Variants in MAK observed in about 807,000 individuals in gnomAD.
MAK encodes the protein serine/threonine-protein kinase MAK.
MAK carries 65 observed loss-of-function variants against 82.6 expected under a neutral mutation model. That is an observed-to-expected ratio of 0.79 (90% CI 0.64 to 0.97). MAK has a LOEUF of 0.97. Among genes scored for constraint, MAK ranks in the 50% least tolerant of loss-of-function variants. The pLI is 0.00. For missense variants in MAK, 703 were observed against 780.2 expected, an observed-to-expected ratio of 0.90 and a Z score of 1.18; for synonymous variants, 250 against 274.2, an observed-to-expected ratio of 0.91 and a Z score of 0.87.
At chr6:10,807,913 C>T (rs1351467691) in intron 6 of MAK, among the ~76,000 whole-genome samples, 1 of 151,850 alleles carries the variant, frequency 6.6e-6, no homozygotes, top group Non-Finnish European at 1.5e-5. Context: ...ACTAAAAATA[C>T]AAAAATTAGC....
At chr6:10,825,121 T>G (rs1402066798) in intron 2 of MAK, among the ~76,000 whole-genome samples, 1 of 152,232 alleles carries the variant, frequency 6.6e-6, no homozygotes, top group Non-Finnish European at 1.5e-5. Context: ...CGTATTATTC[T>G]GCCCTCTTCC....
intron 10 of MAK, among the ~76,000 whole-genome samples, chr6:10,787,075 C>T (rs1014591450): frequency 2.1e-5 from 3 of 145,140 alleles, no homozygotes; most frequent in East Asian, 1.9e-4. Context: ...TTCACCACTC[C>T]GCTACTTCAC....
chr6:10,797,830 C>T, intron 8 of MAK: 2 of 1,283,198 alleles, frequency 1.6e-6, no homozygotes, highest in South Asian at 1.3e-5. Flanking sequence ...CTTAACCAAC[C>T]TCTCTCCCTA....
rs544311623 is a variant in MAK, at chr6:10,790,620, C to T, written c.1316+1055G>A. ...GCAGTTAGTGAAATCTTAACACCAT[C>T]AGAAGAAGCTGTTAACTTGGCACGT... On this transcript the variant is annotated intron_variant, in intron 10 of 14. Coordinates refer to ENST00000354489, the MANE Select transcript of MAK (RefSeq NM_001242957.3). Among the ~76,000 whole-genome samples the T allele has an allele frequency of 7.9e-5, 12 of 152,334 alleles. No individual in the cohort carries two copies. In the South Asian group the frequency reaches 1.5e-3, roughly 18 times the overall value.
Position 10,808,884 on chromosome 6 carries a change from C to T in MAK, c.417G>A (p.Val139=). Residue 139 remains valine, a synonymous_variant, in exon 6 of 15, where the codon GTG becomes GTA. Transcript: ENST00000354489. ...ENLLCMGPEL[V]KIADFGLARE... is the part of the protein sequence containing the mutation. The stretch of plus-strand genomic sequence containing the variant: ...TTGCAAGTCCAAAATCAGCAATTTT[C>T]ACAAGCTCTGGACCCATACAAAGCA... 1 of 1,613,816 alleles carries T rather than the reference C, an allele frequency of 6.2e-7. No individual in the cohort carries two copies. Among genetic ancestry groups the T allele is most frequent in the Non-Finnish European group, 8.5e-7 (1 of 1,179,870 alleles).
chr6:10,783,034 G>A (rs1774148779), intron 11 of MAK, among the ~76,000 whole-genome samples: 1 of 152,270 alleles, frequency 6.6e-6, no homozygotes, highest in East Asian at 1.9e-4. Context: ...AATGGAGACT[G>A]TGTCTTGCTT....
rs376874727 is a variant in MAK at position 10,827,472 on chromosome 6, A to G, written c.101+3076T>C. Among the ~76,000 whole-genome samples the G allele has an allele frequency of 5.3e-5, 8 of 152,208 alleles. No individual in the cohort carries two copies. The East Asian group carries it at 7.7e-4, about 15-fold the overall frequency. On this transcript the variant is annotated intron_variant, in intron 2 of 14. Transcript: ENST00000354489. Reference sequence around the variant, plus strand: ...ATTTCTTAGGTTTCTGTCTTATAGCAGTAGTAAGTATCCCCAATGCAATCC... The same window carrying G: ...ATTTCTTAGGTTTCTGTCTTATAGCGGTAGTAAGTATCCCCAATGCAATCC...
intron 4 of MAK, among the ~76,000 whole-genome samples, chr6:10,817,177 CATTACTTCGGAAA>C (rs1777562640): frequency 6.6e-6 from 1 of 151,062 alleles, no homozygotes; most frequent in Non-Finnish European, 1.5e-5. Context: ...AAATCAACAT[CATTACTTCGGAAA>C]ATTATTTCTA....
intron 8 of MAK, 89 bp from the exon 9 acceptor site, chr6:10,796,398 T>G: frequency 9.4e-7 from 1 of 1,059,276 alleles, no homozygotes; most frequent in Non-Finnish European, 1.4e-6. Flanking sequence ...TGCGAGGCAT[T>G]TATCATTAGC....
rs78074137 is a variant in MAK, at chr6:10,764,418, G to A, written c.*34C>T. ...GTCAAGGAACTTGCACGTACTCTAC[G>A]GAGCAATGCTGTAGGGTTTCACACC... On this transcript the variant is annotated 3_prime_UTR_variant, in exon 15 of 15. Coordinates refer to ENST00000354489, the MANE Select transcript of MAK (RefSeq NM_001242957.3). 5.3e-4 allele frequency: 852 copies of A among 1,608,058 alleles called. 5 individuals carry two copies. The African/African-American group carries it at 9.6e-3, about 18-fold the overall frequency.
rs1236579379 is a variant in MAK, at chr6:10,830,836, G to A, written c.-188C>T. The stretch of plus-strand genomic sequence containing the variant: ...AGAGGTTCATGAGATATAGCATGAA[G>A]GAATCGGGCAAGGAAACAACACTTC... On this transcript the variant is annotated 5_prime_UTR_variant, in exon 2 of 15. Transcript: ENST00000354489. The A allele has an allele frequency of 4.8e-6, 3 of 630,242 alleles. No homozygotes were observed. In the African/African-American group the frequency reaches 5.4e-5, roughly 11 times the overall value. The allele number at this position is 630,242 out of a possible 1,614,324, so 39.0% of individuals were successfully genotyped here.
intron 11 of MAK, among the ~76,000 whole-genome samples, chr6:10,782,986 G>A (rs1207766455): frequency 6.6e-6 from 1 of 152,142 alleles, no homozygotes; most frequent in Admixed American, 6.6e-5. Context: ...CTTTTCTCTT[G>A]TTTGCCATGC....
At chr6:10,803,351 C>A (rs1776157679) in intron 7 of MAK, among the ~76,000 whole-genome samples, 1 of 151,946 alleles carries the variant, frequency 6.6e-6, no homozygotes, top group African/African-American at 2.4e-5. Context: ...TCAAGACCAG[C>A]CTGGCCAACA....
At chr6:10,767,477 A>T (rs142910289) in intron 14 of MAK, among the ~76,000 whole-genome samples, 2 of 152,154 alleles carry the variant, frequency 1.3e-5, no homozygotes, top group Admixed American at 1.3e-4. Flanking sequence ...GAGAGATTAC[A>T]TGGGAGGGAA....
At chr6:10,774,597 T>C (rs1460830148) in intron 12 of MAK, among the ~76,000 whole-genome samples, 1 of 152,198 alleles carries the variant, frequency 6.6e-6, no homozygotes, top group East Asian at 1.9e-4. Flanking sequence ...ATTCATATAC[T>C]GATCTCATAA....
chr6:10,768,595 T>G (rs1419756776), intron 14 of MAK, among the ~76,000 whole-genome samples: 3 of 151,996 alleles, frequency 2.0e-5, no homozygotes, highest in Non-Finnish European at 2.9e-5. Flanking sequence ...TAAATAAAAT[T>G]TTATATTTCA....
Position 10,764,199 on chromosome 6 carries a change from A to G in MAK, c.*253T>C. Reference sequence around the variant, plus strand: ...TATTAAATTGTAGATCAAATACTTCATACTTTGGCAAATAGTTTATTCAAT... The same window carrying G: ...TATTAAATTGTAGATCAAATACTTCGTACTTTGGCAAATAGTTTATTCAAT... On this transcript the variant is annotated 3_prime_UTR_variant, in exon 15 of 15. Coordinates refer to ENST00000354489, the MANE Select transcript of MAK (RefSeq NM_001242957.3). The G allele has an allele frequency of 2.2e-6, 1 of 452,070 alleles. No individual in the cohort carries two copies. Among genetic ancestry groups the G allele is most frequent in the South Asian group, 3.2e-5 (1 of 30,814 alleles). The allele number at this position is 452,070 out of a possible 1,614,324, so 28.0% of individuals were successfully genotyped here. A position where few individuals can be genotyped will look rare whatever the true frequency, so the allele number is the denominator to read the frequency against.
intron 11 of MAK, chr6:10,780,314 A>T: frequency 1.1e-6 from 1 of 873,426 alleles, no homozygotes; most frequent in Non-Finnish European, 1.4e-6. Context: ...CACATTAGGA[A>T]GCAGAACTAT....
chr6:10,781,838 G>GT (rs1433213906), intron 11 of MAK, among the ~76,000 whole-genome samples: 1 of 151,984 alleles, frequency 6.6e-6, no homozygotes, highest in African/African-American at 2.4e-5. Flanking sequence ...CAAGACCCAG[G>GT]TTTTTTCAGG....
Sources: allele counts gnomAD v4.1 joint callset (sites outside exome capture counted in the v4.1 genomes callset), GRCh38; gene constraint gnomAD v4.1.1; transcripts MANE v1.5; gene names NCBI Gene and HGNC (gene_info 2026-07-23, HGNC 2026-07-21).